PPP2R5E: variants seen among roughly 807,000 people sequenced by gnomAD.
The protein encoded by PPP2R5E is serine/threonine-protein phosphatase 2A 56 kDa regulatory subunit epsilon isoform.
In PPP2R5E, 4 loss-of-function variants were observed where a neutral mutation model predicts 65.3. The observed-to-expected ratio is 0.06, with a 90% confidence interval of 0.03 to 0.14. The LOEUF (loss-of-function observed/expected upper bound fraction) is 0.14. Among genes scored for constraint, PPP2R5E ranks in the 10% least tolerant of loss-of-function variants. The probability of loss-of-function intolerance (pLI) is 1.00; values close to 1 mark genes in which losing one functional copy is unlikely to be tolerated. For missense variants in PPP2R5E, 274 were observed against 556.1 expected (o/e 0.49, Z 5.10); for synonymous variants, 183 against 187.4 (o/e 0.98, Z 0.19).
Position 63,450,030 on chromosome 14 carries a change from C to G in PPP2R5E, c.354+3659G>C, listed in dbSNP as rs147627275. On this transcript the variant is annotated intron_variant, in intron 3 of 13. Coordinates refer to ENST00000337537, the MANE Select transcript of PPP2R5E (RefSeq NM_006246.5). ...AGCTGGGATTACAGGCATGTGCCAC[C>G]ATGCCAGGCTAATTTTTGTATTTTT... Among the ~76,000 whole-genome samples the G allele has an allele frequency of 8.0e-3, 1,221 of 152,138 alleles. 44 individuals carry two copies. In the East Asian group the frequency reaches 0.11, roughly 14 times the overall value.
intron 3 of PPP2R5E, among the ~76,000 whole-genome samples, chr14:63,431,362 G>T (rs991975749): frequency 1.3e-4 from 19 of 151,828 alleles, no homozygotes; most frequent in African/African-American, 4.6e-4. Flanking sequence ...GCCATCCACT[G>T]CAGGTCTAGC....
chr14:63,484,354 C>G lies in PPP2R5E; in HGVS notation c.158-30469G>C, dbSNP rs989115925. On this transcript the variant is annotated intron_variant, in intron 2 of 13. Transcript: ENST00000337537. ...TCTCTTTCTCTCTCTCTCTCACACA[C>G]ACACACACACACACACACACACACA... is the stretch of plus-strand genomic sequence containing the variant. 8.3e-3 allele frequency among the ~76,000 whole-genome samples: 1,161 copies of G among 139,180 alleles called. 14 individuals carry two copies. The highest frequency in any genetic ancestry group is 0.026 in the African/African-American group (1,051 of 39,872). 91.3% of individuals were successfully genotyped at this position (139,180 alleles called of 152,430 possible). A position where few individuals can be genotyped will look rare whatever the true frequency, so the allele number is the denominator to read the frequency against.
intron 5 of PPP2R5E, among the ~76,000 whole-genome samples, chr14:63,398,694 G>A (rs532228682): frequency 6.6e-5 from 10 of 152,268 alleles, no homozygotes; most frequent in African/African-American, 1.9e-4. Context: ...GGAGGCTGAG[G>A]CAGAAGAATT....
intron 4 of PPP2R5E, among the ~76,000 whole-genome samples, chr14:63,420,693 G>A (rs920373408): frequency 1.3e-5 from 2 of 152,150 alleles, no homozygotes; most frequent in African/African-American, 4.8e-5. Context: ...CTGAAGTAGG[G>A]GGGAAAAACT....
At chr14:63,434,129 A>G (rs1283753070) in intron 3 of PPP2R5E, among the ~76,000 whole-genome samples, 1 of 152,260 alleles carries the variant, frequency 6.6e-6, no homozygotes, top group Non-Finnish European at 1.5e-5. Context: ...ATTATTTCCT[A>G]TTAAGTTATT....
chr14:63,384,595 G>A (rs908612057), intron 11 of PPP2R5E, 24 bp from the exon 12 acceptor site: 1 of 1,559,344 alleles, frequency 6.4e-7, no homozygotes, highest in Non-Finnish European at 8.7e-7. Context: ...AAAATAAAAT[G>A]TTAAGAGAGA....
chr14:63,489,851 T>C (rs2139629277), intron 2 of PPP2R5E, among the ~76,000 whole-genome samples: 1 of 152,232 alleles, frequency 6.6e-6, no homozygotes, highest in East Asian at 1.9e-4. Flanking sequence ...ACATTATCTA[T>C]GTTTAAAGAA....
intron 2 of PPP2R5E, among the ~76,000 whole-genome samples, chr14:63,474,390 T>C (rs902735339): frequency 1.3e-5 from 2 of 151,808 alleles, no homozygotes; most frequent in Non-Finnish European, 2.9e-5. Context: ...AGAAATAGTT[T>C]GGTGGGGGAA....
rs555112537 is a variant in PPP2R5E, at chr14:63,530,226, GTT to G, written c.157+9301_157+9302del. Among the ~76,000 whole-genome samples the G allele has an allele frequency of 9.8e-3, 978 of 99,448 alleles. 45 individuals are homozygous for G. The East Asian group carries it at 0.18, about 18-fold the overall frequency. The allele number at this position is 99,448 out of a possible 152,430, so 65.2% of individuals were successfully genotyped here. On this transcript the variant is annotated intron_variant, in intron 2 of 13. Transcript: ENST00000337537. The stretch of plus-strand genomic sequence containing the variant: ...GAACCCTAAGTTAAGAAATTTTTCC[GTT>G]TTTTTTTTTTTTTTTTTTTTTGAGA...
chr14:63,506,772 A>C (rs939572405), intron 2 of PPP2R5E, among the ~76,000 whole-genome samples: 1 of 152,222 alleles, frequency 6.6e-6, no homozygotes, highest in Non-Finnish European at 1.5e-5. Flanking sequence ...TTACCAAATG[A>C]CCCAGCAATC....
At chr14:63,412,080 A>G (rs187722561) in intron 5 of PPP2R5E, among the ~76,000 whole-genome samples, 12 of 152,352 alleles carry the variant, frequency 7.9e-5, no homozygotes, top group Admixed American at 4.6e-4. Context: ...CACAGTGAAT[A>G]AGGTAGATAT....
chr14:63,415,664 A>C (rs1323423677), intron 4 of PPP2R5E, among the ~76,000 whole-genome samples: 2 of 152,158 alleles, frequency 1.3e-5, no homozygotes, highest in East Asian at 3.8e-4. Flanking sequence ...CCATTTAAAC[A>C]ATGTATTATG....
At chr14:63,522,225 C>T (rs1487682256) in intron 2 of PPP2R5E, among the ~76,000 whole-genome samples, 22 of 152,284 alleles carry the variant, frequency 1.4e-4, no homozygotes, top group African/African-American at 5.3e-4. Context: ...GGATTGCAGA[C>T]GGAGTCTGGT....
intron 2 of PPP2R5E, among the ~76,000 whole-genome samples, chr14:63,502,990 C>T (rs972608066): frequency 1.3e-5 from 2 of 152,102 alleles, no homozygotes; most frequent in African/African-American, 2.4e-5. Flanking sequence ...AGACAGAGGA[C>T]TAGCACATTA....
At chr14:63,532,049 G>A (rs1316464874) in intron 2 of PPP2R5E, among the ~76,000 whole-genome samples, 3 of 152,130 alleles carry the variant, frequency 2.0e-5, no homozygotes, top group Non-Finnish European at 2.9e-5. Context: ...CCCGTTTTAA[G>A]TCAGATATCC....
rs529594662 is a variant in PPP2R5E at position 63,391,950 on chromosome 14, A to C, written c.903+22T>G. The stretch of plus-strand genomic sequence containing the variant: ...AAAGGTAATTTTTCTTAAGTTTTTG[A>C]AATTATGGAAAAAAGACTTACTGGT... On this transcript the variant is annotated intron_variant, in intron 9 of 13. Coordinates refer to ENST00000337537, the MANE Select transcript of PPP2R5E (RefSeq NM_006246.5). 85 of 1,609,318 alleles carry C rather than the reference A, an allele frequency of 5.3e-5. 1 individual carries two copies. The South Asian group carries it at 8.4e-4, about 16-fold the overall frequency.
intron 2 of PPP2R5E, among the ~76,000 whole-genome samples, chr14:63,465,079 G>A (rs1243449350): frequency 6.6e-6 from 1 of 151,430 alleles, no homozygotes; most frequent in African/African-American, 2.4e-5. Flanking sequence ...ACTTCACAGG[G>A]TTGAGTAAAG....
intron 2 of PPP2R5E, among the ~76,000 whole-genome samples, chr14:63,497,223 T>C (rs1462768749): frequency 6.6e-6 from 1 of 152,114 alleles, no homozygotes; most frequent in Non-Finnish European, 1.5e-5. Flanking sequence ...CATAAACGTA[T>C]GACAGTATTT....
chr14:63,432,700 T>C (rs115486302), intron 3 of PPP2R5E, among the ~76,000 whole-genome samples: 1,579 of 152,116 alleles, frequency 0.01, 26 homozygotes, highest in African/African-American at 0.037. Context: ...GAAAGAAAGA[T>C]TCAAGGGAAA....
Sources: gnomAD v4.1 joint callset for allele counts (sites outside exome capture counted in the v4.1 genomes callset) on GRCh38, gnomAD v4.1.1 for gene constraint, MANE v1.5 for transcripts, NCBI Gene and HGNC (gene_info 2026-07-23, HGNC 2026-07-21) for gene names.